Variants in CPQ observed in about 807,000 individuals in gnomAD.
The protein encoded by CPQ is Ser-Met dipeptidase.
In CPQ, 37 loss-of-function variants were observed where a neutral mutation model predicts 45.7. The observed-to-expected ratio is 0.81, with a 90% CI of 0.62 to 1.07. CPQ has a LOEUF of 1.07. Ranked by LOEUF, CPQ falls within the 50% of genes least tolerant of loss-of-function variation. The probability of loss-of-function intolerance (pLI) is 0.00; values close to 1 mark genes in which losing one functional copy is unlikely to be tolerated. For missense variants in CPQ, 537 were observed against 572.9 expected (o/e 0.94, Z 0.64); for synonymous variants, 186 against 205.8 (o/e 0.90, Z 0.82).
At chr8:96,914,693 C>T (rs1812709023) in intron 4 of CPQ, among the ~76,000 whole-genome samples, 1 of 152,058 alleles carries the variant, frequency 6.6e-6, no homozygotes, top group South Asian at 2.1e-4. Context: ...GTTCGGAATT[C>T]CACTAGGCTA....
chr8:97,123,037 A>ATAAAG (rs1485397394), intron 7 of CPQ, among the ~76,000 whole-genome samples: 1 of 82,568 alleles, frequency 1.2e-5, no homozygotes, highest in African/African-American at 4.8e-5. Context: ...ATAAAATAAA[A>ATAAAG]TAAAATAAAT....
intron 2 of CPQ, among the ~76,000 whole-genome samples, chr8:96,833,881 T>C (rs191987584): frequency 2.0e-5 from 3 of 152,306 alleles, no homozygotes; most frequent in Admixed American, 6.5e-5. Flanking sequence ...TGTAGTGCAT[T>C]TTAAAAGGAT....
At chr8:97,124,265 A>G (rs893241286) in intron 7 of CPQ, among the ~76,000 whole-genome samples, 1 of 151,034 alleles carries the variant, frequency 6.6e-6, no homozygotes, top group African/African-American at 2.4e-5. Context: ...AATTCATTCA[A>G]TTACAAGCTT....
intron 1 of CPQ, among the ~76,000 whole-genome samples, chr8:96,657,741 C>T (rs1399638923): frequency 6.6e-6 from 1 of 152,192 alleles, no homozygotes; most frequent in African/African-American, 2.4e-5. Flanking sequence ...TTCCAGAGTC[C>T]TTCTTACTCT....
intron 1 of CPQ, among the ~76,000 whole-genome samples, chr8:96,665,738 C>T (rs969223674): frequency 6.6e-6 from 1 of 152,140 alleles, no homozygotes; most frequent in African/African-American, 2.4e-5. Flanking sequence ...ATCTCTGTCT[C>T]TTAGATTAGC....
At chr8:96,908,768 CA>C (rs1812616978) in intron 4 of CPQ, among the ~76,000 whole-genome samples, 1 of 151,740 alleles carries the variant, frequency 6.6e-6, no homozygotes, top group Admixed American at 6.6e-5. Flanking sequence ...CACACACACA[CA>C]CACACACACC....
chr8:96,793,470 C>T (rs927606773), intron 2 of CPQ, among the ~76,000 whole-genome samples: 1 of 152,096 alleles, frequency 6.6e-6, no homozygotes, highest in Non-Finnish European at 1.5e-5. Flanking sequence ...ATGGGAAGGA[C>T]CTGCCCCCAT....
chr8:96,692,678 C>A (rs893353496), intron 1 of CPQ, among the ~76,000 whole-genome samples: 1 of 152,194 alleles, frequency 6.6e-6, no homozygotes, highest in Non-Finnish European at 1.5e-5. Flanking sequence ...ACTTAGACCA[C>A]AACACCCAAG....
chr8:97,045,057 G>A (rs2130496926), intron 6 of CPQ, among the ~76,000 whole-genome samples: 1 of 152,314 alleles, frequency 6.6e-6, no homozygotes, highest in South Asian at 2.1e-4. Flanking sequence ...GGTTACTGCT[G>A]TCTTTTTGTT....
chr8:96,651,218 G>A (rs1231067053), intron 1 of CPQ, among the ~76,000 whole-genome samples: 2 of 152,288 alleles, frequency 1.3e-5, no homozygotes, highest in South Asian at 2.1e-4. Flanking sequence ...AACTCAGCTG[G>A]GAAATGGAGA....
At chr8:96,802,983 A>C (rs80275401) in intron 2 of CPQ, among the ~76,000 whole-genome samples, 2,022 of 146,598 alleles carry the variant, frequency 0.014, 28 homozygotes, top group Middle Eastern at 0.092. Flanking sequence ...CAAAAGAAAC[A>C]GAAGCATACA....
At chr8:96,744,007 G>T (rs1305661128) in intron 1 of CPQ, among the ~76,000 whole-genome samples, 2 of 152,244 alleles carry the variant, frequency 1.3e-5, no homozygotes, top group Non-Finnish European at 2.9e-5. Flanking sequence ...GCTCCACCCA[G>T]TTCGAGCTTC....
At chr8:97,117,744 G>A (rs1413319121) in intron 7 of CPQ, among the ~76,000 whole-genome samples, 2 of 151,882 alleles carry the variant, frequency 1.3e-5, no homozygotes, top group Non-Finnish European at 2.9e-5. Flanking sequence ...TCATCATGTT[G>A]CCCAGGCTGG....
At chr8:97,054,786 G>A (rs925609965) in intron 6 of CPQ, among the ~76,000 whole-genome samples, 1 of 152,154 alleles carries the variant, frequency 6.6e-6, no homozygotes, top group African/African-American at 2.4e-5. Context: ...AGAATGGCAG[G>A]TGAATGAAGG....
intron 5 of CPQ, among the ~76,000 whole-genome samples, chr8:97,010,141 G>A (rs1809459539): frequency 6.6e-6 from 1 of 152,192 alleles, no homozygotes. Flanking sequence ...TTTAGTGAAA[G>A]TTATATTAGA....
intron 1 of CPQ, among the ~76,000 whole-genome samples, chr8:96,783,260 A>AGAGTGTGTGTGTGTGTGTGT (rs1810714468): frequency 6.8e-6 from 1 of 147,906 alleles, no homozygotes; most frequent in African/African-American, 2.5e-5. Context: ...TAGTTGTGTG[A>AGAGTGTGTGTGTGTGTGTGT]GTGTGTGTGT....
At chr8:96,866,876 A>G (rs1222974361) in intron 3 of CPQ, among the ~76,000 whole-genome samples, 2 of 152,142 alleles carry the variant, frequency 1.3e-5, no homozygotes. Flanking sequence ...GGCCTTAGGA[A>G]CACACTATCC....
At chr8:96,899,311 G>A (rs757330970) in intron 4 of CPQ, among the ~76,000 whole-genome samples, 18 of 152,114 alleles carry the variant, frequency 1.2e-4, no homozygotes, top group Non-Finnish European at 2.2e-4. Context: ...ATTATTTCAC[G>A]TTTGAGCAAT....
intron 4 of CPQ, among the ~76,000 whole-genome samples, chr8:96,884,308 A>G (rs974392626): frequency 3.3e-5 from 5 of 152,144 alleles, no homozygotes; most frequent in African/African-American, 9.7e-5. Context: ...TACTGCTACT[A>G]CTGCCTTAAT....
Sources: allele counts gnomAD v4.1 joint callset (sites outside exome capture counted in the v4.1 genomes callset), GRCh38; gene constraint gnomAD v4.1.1; transcripts MANE v1.5; gene names NCBI Gene and HGNC (gene_info 2026-07-23, HGNC 2026-07-21).